RAB20: variants seen among roughly 807,000 people sequenced by gnomAD.
RAB20 encodes the protein ras-related protein Rab-20.
RAB20 carries 2 observed loss-of-function variants against 3.7 expected under a neutral mutation model. That is an observed-to-expected ratio of 0.54 (90% CI 0.22 to 1.69). The LOEUF (loss-of-function observed/expected upper bound fraction) is 1.69, where lower values mean the gene tolerates loss of function less well. Among genes scored for constraint, RAB20 ranks in the 40% most tolerant of loss-of-function variants. RAB20 has a pLI of 0.19. For missense variants in RAB20, 276 were observed against 311.9 expected (o/e 0.88, Z 0.87); for synonymous variants, 126 against 130.8 (o/e 0.96, Z 0.25).
At chr13:110,524,415 T>C (rs1369686168) in intron 1 of RAB20, among the ~76,000 whole-genome samples, 2 of 151,612 alleles carry the variant, frequency 1.3e-5, no homozygotes, top group Admixed American at 6.6e-5. Flanking sequence ...GTGCCCAGAC[T>C]AGATGGGAAA....
At chr13:110,549,943 T>A (rs1969890) in intron 1 of RAB20, among the ~76,000 whole-genome samples, 2 of 152,054 alleles carry the variant, frequency 1.3e-5, no homozygotes. Flanking sequence ...GGGCTGGTCT[T>A]GAACTTCTGC....
rs777533489 is a variant in RAB20, at chr13:110,524,044, G to A, written c.326C>T (p.Ala109Val). Reference sequence around the variant, plus strand: ...GAGGTCCACTTTGTTCCCCACGATGGCAAAGAGGCAGTCTTTGCTGGCTGT... The same window carrying A: ...GAGGTCCACTTTGTTCCCCACGATGACAAAGAGGCAGTCTTTGCTGGCTGT... ...TDTASKDCLF[A>V]IVGNKVDLTE... The change falls in exon 2 of 2, where the codon GCC (alanine) becomes GTC (valine). Residue 109 changes from alanine (A) to valine (V), a missense_variant. Transcript: ENST00000267328. The A allele has an allele frequency of 1.9e-6, 3 of 1,614,110 alleles. No individual in the cohort carries two copies. Among genetic ancestry groups the A allele is most frequent in the Non-Finnish European group, 2.5e-6 (3 of 1,180,026 alleles).
intron 1 of RAB20, among the ~76,000 whole-genome samples, chr13:110,540,289 C>T (rs1409623107): frequency 1.3e-5 from 2 of 152,182 alleles, no homozygotes; most frequent in African/African-American, 2.4e-5. Flanking sequence ...CCTGTAATAA[C>T]GAATGTTTAG....
At chr13:110,553,324 C>G (rs1191998561) in intron 1 of RAB20, among the ~76,000 whole-genome samples, 1 of 152,222 alleles carries the variant, frequency 6.6e-6, no homozygotes, top group East Asian at 1.9e-4. Flanking sequence ...ACAGTAGAAA[C>G]TTGAGAGCTG....
intron 1 of RAB20, among the ~76,000 whole-genome samples, chr13:110,527,732 C>T (rs1233767618): frequency 6.6e-6 from 1 of 152,012 alleles, no homozygotes; most frequent in Non-Finnish European, 1.5e-5. Context: ...ACAGTGTCCC[C>T]GGAATCCACA....
At chr13:110,551,305 G>A (rs1258628343) in intron 1 of RAB20, among the ~76,000 whole-genome samples, 1 of 152,232 alleles carries the variant, frequency 6.6e-6, no homozygotes, top group African/African-American at 2.4e-5. Flanking sequence ...CAAAGACCAA[G>A]AAATGCTTCA....
rs57033936 is a variant in RAB20 at position 110,538,615 on chromosome 13, A to G, written c.173-14418T>C. Among the ~76,000 whole-genome samples, 116 of 126,094 alleles carry G rather than the reference A, an allele frequency of 9.2e-4. 1 individual carries two copies. Among genetic ancestry groups the G allele is most frequent in the African/African-American group, 2.9e-3 (95 of 33,016 alleles). 82.7% of individuals were successfully genotyped at this position (126,094 alleles called of 152,430 possible). A position where few individuals can be genotyped will look rare whatever the true frequency, so the allele number is the denominator to read the frequency against. Reference sequence around the variant, plus strand: ...CTTCTCTCAAAAAAAAAAAAAAAAAAAAAGAAAGAAAAGAAAAGAAAAGAA... The same window carrying G: ...CTTCTCTCAAAAAAAAAAAAAAAAAGAAAGAAAGAAAAGAAAAGAAAAGAA... On this transcript the variant is annotated intron_variant, in intron 1 of 1. Coordinates refer to ENST00000267328, the MANE Select transcript of RAB20 (RefSeq NM_017817.3).
intron 1 of RAB20, among the ~76,000 whole-genome samples, chr13:110,539,663 G>A (rs950239822): frequency 4.0e-5 from 6 of 151,254 alleles, no homozygotes; most frequent in Admixed American, 1.3e-4. Flanking sequence ...GGGCTCAAGC[G>A]ATTCTCTTGC....
intron 1 of RAB20, among the ~76,000 whole-genome samples, chr13:110,538,609 A>G (rs796939889): frequency 7.7e-5 from 11 of 142,878 alleles, no homozygotes; most frequent in Admixed American, 2.8e-4. Flanking sequence ...AAAAAAAAAA[A>G]AAAAAAAAAG....
chr13:110,528,202 A>C (rs1884466209), intron 1 of RAB20, among the ~76,000 whole-genome samples: 2 of 152,136 alleles, frequency 1.3e-5, no homozygotes, highest in South Asian at 4.2e-4. Context: ...GGATCACCTG[A>C]GTTCGGGAGT....
At chr13:110,531,356 T>C (rs993497499) in intron 1 of RAB20, among the ~76,000 whole-genome samples, 1 of 152,226 alleles carries the variant, frequency 6.6e-6, no homozygotes, top group African/African-American at 2.4e-5. Flanking sequence ...TGCAGCCACC[T>C]TCCCAGGAGC....
intron 1 of RAB20, among the ~76,000 whole-genome samples, chr13:110,552,853 T>C (rs914952192): frequency 9.2e-5 from 14 of 152,232 alleles, no homozygotes; most frequent in Non-Finnish European, 5.9e-5. Flanking sequence ...AAGTTTCTCC[T>C]GAACCACAGT....
chr13:110,551,609 C>T (rs1196300435), intron 1 of RAB20, among the ~76,000 whole-genome samples: 4 of 152,250 alleles, frequency 2.6e-5, no homozygotes, highest in South Asian at 2.1e-4. Flanking sequence ...CCAGCGTTCG[C>T]GGCCAGCTGG....
chr13:110,545,141 T>C (rs1884830535), intron 1 of RAB20, among the ~76,000 whole-genome samples: 1 of 149,418 alleles, frequency 6.7e-6, no homozygotes, highest in Non-Finnish European at 1.5e-5. Context: ...ATGTCTTTAT[T>C]AGCAGCATGA....
At chr13:110,549,944 G>A (rs1237983017) in intron 1 of RAB20, among the ~76,000 whole-genome samples, 1 of 152,104 alleles carries the variant, frequency 6.6e-6, no homozygotes, top group Non-Finnish European at 1.5e-5. Flanking sequence ...GGCTGGTCTT[G>A]AACTTCTGCC....
In RAB20 at chr13:110,555,055, T is replaced by C. The variant is rs935940329; in HGVS notation, c.172+6293A>G. On this transcript the variant is annotated intron_variant, in intron 1 of 1. Transcript: ENST00000267328. The surrounding 1 kb of genome is among the most constrained non-coding windows in gnomAD (Gnocchi z 4.0). Reference sequence around the variant, plus strand: ...CTGTAAGATGCTGCTTCCCAGTCTGTAGGACGGCAACGTTGACGCCTCCCA... The same window carrying C: ...CTGTAAGATGCTGCTTCCCAGTCTGCAGGACGGCAACGTTGACGCCTCCCA... Among the ~76,000 whole-genome samples, 2 of 152,046 alleles carry C rather than the reference T, an allele frequency of 1.3e-5. No homozygotes were observed. The highest frequency in any genetic ancestry group is 6.6e-5 in the Admixed American group (1 of 15,266).
At chr13:110,543,133 ATTTTT>A (rs201018917) in intron 1 of RAB20, among the ~76,000 whole-genome samples, 1 of 151,122 alleles carries the variant, frequency 6.6e-6, no homozygotes, top group Non-Finnish European at 1.5e-5. Flanking sequence ...TGCTCATTTT[ATTTTT>A]TTTTATTTTT....
intron 1 of RAB20, among the ~76,000 whole-genome samples, chr13:110,560,282 T>A (rs1164298211): frequency 6.6e-6 from 1 of 152,102 alleles, no homozygotes; most frequent in Non-Finnish European, 1.5e-5. Flanking sequence ...AGTCACGATG[T>A]TAACTGGGAT....
intron 1 of RAB20, among the ~76,000 whole-genome samples, chr13:110,524,848 C>T (rs767027245): frequency 1.3e-5 from 2 of 152,212 alleles, no homozygotes; most frequent in Non-Finnish European, 1.5e-5. Flanking sequence ...ACGCTGGAAT[C>T]GGAATCCCTG....
Sources: allele counts gnomAD v4.1 joint callset (sites outside exome capture counted in the v4.1 genomes callset), GRCh38; gene constraint gnomAD v4.1.1; non-coding constraint Gnocchi (gnomAD v3.1); transcripts MANE v1.5; gene names NCBI Gene and HGNC (gene_info 2026-07-23, HGNC 2026-07-21).